The following CAP1 variants were observed in gnomAD, a reference collection of about 807,000 sequenced individuals.
CAP1 encodes adenylyl cyclase-associated protein 1.
In CAP1, 11 loss-of-function variants were observed where a neutral mutation model predicts 58.2. The observed-to-expected ratio is 0.19, with a 90% CI of 0.12 to 0.31. The LOEUF (loss-of-function observed/expected upper bound fraction) is 0.31. Ranked by LOEUF, CAP1 falls within the 10% of genes least tolerant of loss-of-function variation. The pLI is 1.00. For missense variants in CAP1, 423 were observed against 587.5 expected (o/e 0.72, Z 2.89); for synonymous variants, 183 against 213.8 (o/e 0.86, Z 1.26).
chr1:40,057,626 A>C (rs1189320838), intron 1 of CAP1: 1 of 151,970 alleles, frequency 6.6e-6, no homozygotes, highest in Non-Finnish European at 1.5e-5. Context: ...TGTCTTCCTT[A>C]CTTTATCTTG....
intron 10 of CAP1, 45 bp from the exon 11 acceptor site, chr1:40,070,385 T>A: frequency 6.7e-7 from 1 of 1,483,986 alleles, no homozygotes; most frequent in East Asian, 2.5e-5. Context: ...TGTATATTAC[T>A]TTCCTTTAAA....
At chr1:40,058,058 T>C (rs1646690677) in intron 1 of CAP1, among the ~76,000 whole-genome samples, 1 of 152,342 alleles carries the variant, frequency 6.6e-6, no homozygotes, top group South Asian at 2.1e-4. Flanking sequence ...GTCTAGATGG[T>C]AGAGTATACA....
At chr1:40,064,613 G>T in intron 6 of CAP1, 54 bp downstream of exon 6, 1 of 1,380,032 alleles carries the variant, frequency 7.2e-7, no homozygotes, top group Non-Finnish European at 1.0e-6. Flanking sequence ...GTCTTGCGTT[G>T]TCACCCAGGC....
At chr1:40,061,930 T>A in intron 4 of CAP1, 118 bp downstream of exon 4, 1 of 769,090 alleles carries the variant, frequency 1.3e-6, no homozygotes, top group Non-Finnish European at 2.2e-6. Flanking sequence ...TAATATATGT[T>A]CATACCAAGT....
chr1:40,041,668 T>C (rs1251315819), intron 1 of CAP1, among the ~76,000 whole-genome samples: 1 of 152,232 alleles, frequency 6.6e-6, no homozygotes, highest in Non-Finnish European at 1.5e-5. Context: ...GTGTTTATTC[T>C]GTGCCAGCAT....
intron 8 of CAP1, among the ~76,000 whole-genome samples, chr1:40,068,437 AT>A (rs1245268262): frequency 1.1e-3 from 155 of 145,248 alleles, no homozygotes; most frequent in Non-Finnish European, 8.4e-4. Context: ...TGCCTGGCTA[AT>A]TTTTTTTTTT....
intron 1 of CAP1, among the ~76,000 whole-genome samples, chr1:40,051,072 G>A (rs1646342855): frequency 6.6e-6 from 1 of 152,032 alleles, no homozygotes; most frequent in South Asian, 2.1e-4. Context: ...TCTTCAAGAT[G>A]CCTCACTTCC....
intron 5 of CAP1, 34 bp from the exon 6 acceptor site, chr1:40,064,440 G>A (rs2124391560): frequency 6.2e-7 from 1 of 1,611,560 alleles, no homozygotes; most frequent in East Asian, 2.2e-5. Context: ...TAGTTGGAGA[G>A]GTCCTGAGTC....
At chr1:40,050,652 C>G (rs1646320320) in intron 1 of CAP1, among the ~76,000 whole-genome samples, 1 of 151,848 alleles carries the variant, frequency 6.6e-6, no homozygotes, top group Non-Finnish European at 1.5e-5. Flanking sequence ...GAGTGAGACT[C>G]CATCTCAAAA....
chr1:40,057,176 G>A (rs993581319), intron 1 of CAP1, among the ~76,000 whole-genome samples: 1 of 152,202 alleles, frequency 6.6e-6, no homozygotes, highest in Non-Finnish European at 1.5e-5. Flanking sequence ...CATGTTAACA[G>A]TGGTCTCAAC....
At chr1:40,061,152 T>C (rs1347468752) in intron 3 of CAP1, among the ~76,000 whole-genome samples, 2 of 91,740 alleles carry the variant, frequency 2.2e-5, no homozygotes, top group East Asian at 6.5e-4. Context: ...CTACTTCTGC[T>C]GTACTTTTTT....
chr1:40,071,343 G>A (rs1356842462), intron 12 of CAP1, 107 bp from the exon 13 acceptor site: 22 of 753,480 alleles, frequency 2.9e-5, no homozygotes, highest in Admixed American at 4.5e-5. Flanking sequence ...ACATTGTACC[G>A]TGCTCCTGGG....
intron 4 of CAP1, 100 bp downstream of exon 4, chr1:40,061,912 G>A: frequency 1.1e-6 from 1 of 900,190 alleles, no homozygotes; most frequent in Non-Finnish European, 1.8e-6. Context: ...GACCTACTAG[G>A]CTTTTGATAA....
At chr1:40,052,737 T>C (rs1224852002) in intron 1 of CAP1, among the ~76,000 whole-genome samples, 4 of 151,830 alleles carry the variant, frequency 2.6e-5, no homozygotes, top group African/African-American at 9.7e-5. Flanking sequence ...ATATGTCTCA[T>C]CTATCCTGAA....
chr1:40,044,083 T>A (rs1361504119), intron 1 of CAP1, among the ~76,000 whole-genome samples: 2 of 152,166 alleles, frequency 1.3e-5, no homozygotes, highest in Admixed American at 1.3e-4. Context: ...AGCTATTGAG[T>A]CTGTAAAATG....
intron 1 of CAP1, among the ~76,000 whole-genome samples, chr1:40,059,032 T>TTTTTTTTTTTTTTTTTTTTTTG (rs1553163419): frequency 3.9e-5 from 6 of 152,016 alleles, no homozygotes; most frequent in African/African-American, 1.5e-4. Flanking sequence ...TCTAACTTTC[T>TTTTTTTTTTTTTTTTTTTTTTG]ACACACAGTA....
chr1:40,043,680 C>T (rs1645948021), intron 1 of CAP1, among the ~76,000 whole-genome samples: 1 of 151,966 alleles, frequency 6.6e-6, no homozygotes, highest in African/African-American at 2.4e-5. Context: ...AGTTCAAGAC[C>T]ATCCTAGCCA....
rs1201345727 is a variant in CAP1 at position 40,069,681 on chromosome 1, T to C, written c.809-9T>C. 3.1e-6 allele frequency: 5 copies of C among 1,611,202 alleles called. No individual in the cohort carries two copies. Among genetic ancestry groups the C allele is most frequent in the Non-Finnish European group, 4.2e-6 (5 of 1,178,536 alleles). Reference sequence around the variant, plus strand: ...AAGGACAGGAACAAGGTAGCTGTTGTTCTTACAGCCCTGAAACATGTATCT... The same window carrying C: ...AAGGACAGGAACAAGGTAGCTGTTGCTCTTACAGCCCTGAAACATGTATCT... On this transcript the variant is annotated splice_polypyrimidine_tract_variant and intron_variant, in intron 8 of 12. Transcript: ENST00000372805.
rs1648259543 is a variant in CAP1 at position 40,072,532 on chromosome 1, T to C, written c.*999T>C. On this transcript the variant is annotated 3_prime_UTR_variant, in exon 13 of 13. Coordinates refer to ENST00000372805, the MANE Select transcript of CAP1 (RefSeq NM_006367.4). ...ACACTTACCAAAATATGCAACTTTTTTTTGGTGGGAAGAGAGATTGTCCTG... is the reference window on the plus strand; with the variant it reads ...ACACTTACCAAAATATGCAACTTTTCTTTGGTGGGAAGAGAGATTGTCCTG... The C allele has an allele frequency of 6.5e-6, 1 of 155,004 alleles. No individual in the cohort carries two copies. Among genetic ancestry groups the C allele is most frequent in the Non-Finnish European group, 1.4e-5 (1 of 69,778 alleles). The allele number at this position is 155,004 out of a possible 1,614,324, so 9.6% of individuals were successfully genotyped here. A position where few individuals can be genotyped will look rare whatever the true frequency, so the allele number is the denominator to read the frequency against.
Sources: gnomAD v4.1 joint callset for allele counts (sites outside exome capture counted in the v4.1 genomes callset) on GRCh38, gnomAD v4.1.1 for gene constraint, MANE v1.5 for transcripts, NCBI Gene and HGNC (gene_info 2026-07-23, HGNC 2026-07-21) for gene names.